The following DYM variants were observed in gnomAD, a reference collection of about 807,000 sequenced individuals.
DYM encodes the protein dymeclin.
DYM carries 78 observed loss-of-function variants against 93.1 expected under a neutral mutation model. The ratio of observed to expected loss-of-function variants is 0.84; its 90% CI spans 0.70 to 1.01. The LOEUF (loss-of-function observed/expected upper bound fraction) is 1.01, where lower values mean the gene tolerates loss of function less well. Ranked by LOEUF, DYM falls within the 50% of genes least tolerant of loss-of-function variation. DYM has a pLI of 0.00. For synonymous variants in DYM, 321 were observed against 319.7 expected, an observed-to-expected ratio of 1.00 and a Z score of -0.04; for missense variants, 789 against 845.0, an observed-to-expected ratio of 0.93 and a Z score of 0.82.
intron 17 of DYM, among the ~76,000 whole-genome samples, chr18:49,057,891 T>G (rs1211083718): frequency 6.6e-6 from 1 of 152,212 alleles, no homozygotes; most frequent in Non-Finnish European, 1.5e-5. Flanking sequence ...AGTTACTTCA[T>G]CTATAAACCA....
intron 5 of DYM, among the ~76,000 whole-genome samples, chr18:49,370,014 C>A (rs761740770): frequency 3.9e-5 from 6 of 152,212 alleles, no homozygotes; most frequent in South Asian, 4.1e-4. Flanking sequence ...CAGTGGCTCA[C>A]GCCTATAATC....
chr18:49,423,816 G>C (rs1568420683), intron 2 of DYM, among the ~76,000 whole-genome samples: 1 of 152,026 alleles, frequency 6.6e-6, no homozygotes, highest in Non-Finnish European at 1.5e-5. Flanking sequence ...ATAAATTCCT[G>C]GACACATACA....
At chr18:49,240,097 C>G (rs2093974705) in intron 13 of DYM, among the ~76,000 whole-genome samples, 1 of 151,960 alleles carries the variant, frequency 6.6e-6, no homozygotes. Context: ...TAAATGGAAG[C>G]ATGAATAATA....
Position 49,170,780 on chromosome 18 carries a change from C to CAAAAAAAA in DYM, c.1626-7001_1626-6994dup, listed in dbSNP as rs34297501. ...TGGGCAACAAAGTGAGACTCCGTCT[C>CAAAAAAAA]AAAAAAAAAAAAAAAAAAAAAAAAA... On this transcript the variant is annotated intron_variant, in intron 14 of 17. Coordinates refer to ENST00000675505, the MANE Select transcript of DYM (RefSeq NM_001353214.3). Among the ~76,000 whole-genome samples, 11 of 31,238 alleles carry CAAAAAAAA rather than the reference C, an allele frequency of 3.5e-4. 4 individuals are homozygous for CAAAAAAAA. Among genetic ancestry groups the CAAAAAAAA allele is most frequent in the Admixed American group, 1.3e-3 (3 of 2,270 alleles). The allele number at this position is 31,238 out of a possible 152,430, so 20.5% of individuals were successfully genotyped here. A position where few individuals can be genotyped will look rare whatever the true frequency, so the allele number is the denominator to read the frequency against.
At chr18:49,218,574 T>C (rs2093194696) in intron 13 of DYM, among the ~76,000 whole-genome samples, 1 of 151,998 alleles carries the variant, frequency 6.6e-6, no homozygotes, top group East Asian at 1.9e-4. Flanking sequence ...CACAGTGCAA[T>C]GAAACTAGAA....
intron 6 of DYM, among the ~76,000 whole-genome samples, chr18:49,361,390 T>C (rs2066004073): frequency 6.6e-6 from 1 of 152,226 alleles, no homozygotes; most frequent in Non-Finnish European, 1.5e-5. Context: ...CTGTCTTTCC[T>C]TTTGGGGCCA....
At chr18:49,408,566 C>A (rs2071805752) in intron 2 of DYM, among the ~76,000 whole-genome samples, 1 of 152,178 alleles carries the variant, frequency 6.6e-6, no homozygotes, top group South Asian at 2.1e-4. Flanking sequence ...GCTAGATTTG[C>A]AAAGTTGCAA....
At chr18:49,242,147 C>G (rs566606659) in intron 13 of DYM, among the ~76,000 whole-genome samples, 64 of 152,314 alleles carry the variant, frequency 4.2e-4, no homozygotes, top group African/African-American at 1.5e-3. Flanking sequence ...TGCAGTGGCT[C>G]ACGGGTGTAA....
At position 49,036,793 on chromosome 18, in the gene DYM, T is replaced by G. The variant is rs1172153114; in HGVS notation, c.*7262A>C. Among the ~76,000 whole-genome samples, 2 of 152,228 alleles carry G rather than the reference T, an allele frequency of 1.3e-5. No homozygotes were observed. ...GGCTGGCTCTTAAATATTTTAAATG[T>G]CTGCATAATCTGAAGTAACTTACCT... On this transcript the variant is annotated 3_prime_UTR_variant, in exon 18 of 18. Transcript: ENST00000675505.
Position 49,132,132 on chromosome 18 carries a change from T to C in DYM, c.1729-13206A>G, listed in dbSNP as rs1393785449. On this transcript the variant is annotated intron_variant, in intron 15 of 17. Transcript: ENST00000675505. ...TGTTAGATGTGATAATGATATGTGATTATGAAAGAAAATGTTATTATTTTT... is the reference window on the plus strand; with the variant it reads ...TGTTAGATGTGATAATGATATGTGACTATGAAAGAAAATGTTATTATTTTT... 2.0e-5 allele frequency among the ~76,000 whole-genome samples: 3 copies of C among 152,130 alleles called. No homozygotes were observed. In the East Asian group the frequency reaches 5.8e-4, roughly 29 times the overall value.
intron 14 of DYM, among the ~76,000 whole-genome samples, chr18:49,169,674 C>A (rs938945140): frequency 1.3e-5 from 2 of 152,146 alleles, no homozygotes; most frequent in Admixed American, 6.5e-5. Flanking sequence ...CCTCCCTATG[C>A]CCTGCCATCT....
intron 10 of DYM, among the ~76,000 whole-genome samples, chr18:49,278,861 T>G (rs566274621): frequency 6.6e-6 from 1 of 152,224 alleles, no homozygotes; most frequent in Non-Finnish European, 1.5e-5. Context: ...CAGATATATT[T>G]CTTTTCTCTT....
Position 49,118,886 on chromosome 18 carries a change from A to G in DYM, c.1769T>C (p.Met590Thr). 6.2e-7 allele frequency: 1 copy of G among 1,614,088 alleles called. No individual in the cohort carries two copies. The highest frequency in any genetic ancestry group is 8.5e-7 in the Non-Finnish European group (1 of 1,179,986). Residue 590 changes from methionine (M) to threonine (T), a missense_variant, in exon 16 of 18, where the codon ATG (methionine) becomes ACG (threonine). This residue lies in a region of DYM where 225 missense variants were observed against 303.0 expected (regional missense o/e 0.74). Coordinates refer to ENST00000675505, the MANE Select transcript of DYM (RefSeq NM_001353214.3). ...LNVIEEVIRM[M>T]LEIINSCLTN... ...CAGGCAGGAGTTGATGATCTCTAACATCATTCGAATCACTTCTTCAATGAC... is the reference window on the plus strand; with the variant it reads ...CAGGCAGGAGTTGATGATCTCTAACGTCATTCGAATCACTTCTTCAATGAC...
At position 49,218,806 on chromosome 18, in the gene DYM, C is replaced by A. The variant is rs372212570; in HGVS notation, c.1461-9091G>T. 2.0e-3 allele frequency among the ~76,000 whole-genome samples: 308 copies of A among 152,144 alleles called. 7 individuals are homozygous for A. In the East Asian group the frequency reaches 0.041, roughly 20 times the overall value. On this transcript the variant is annotated intron_variant, in intron 13 of 17. Transcript: ENST00000675505. ...TAAATGCCCACAAGAGAAAGCAGGA[C>A]AGATCCAAAATTGACACCCTAACAT...
At position 49,052,967 on chromosome 18, in the gene DYM, G is replaced by A. The variant is rs186919165; in HGVS notation, c.2026-8763C>T. Among the ~76,000 whole-genome samples the A allele has an allele frequency of 1.8e-3, 273 of 152,292 alleles. 2 individuals are homozygous for A. The highest frequency in any genetic ancestry group is 5.9e-3 in the African/African-American group (244 of 41,564). ...CCCTGGCTTTCACGCTTCTCTTTCCGAGATACTTGTCCTGTGACACAGCTC... is the reference window on the plus strand; with the variant it reads ...CCCTGGCTTTCACGCTTCTCTTTCCAAGATACTTGTCCTGTGACACAGCTC... On this transcript the variant is annotated intron_variant, in intron 17 of 17. Coordinates refer to ENST00000675505, the MANE Select transcript of DYM (RefSeq NM_001353214.3).
At chr18:49,193,312 T>C (rs1467062460) in intron 14 of DYM, among the ~76,000 whole-genome samples, 1 of 152,174 alleles carries the variant, frequency 6.6e-6, no homozygotes, top group Admixed American at 6.5e-5. Context: ...AAAAATATTT[T>C]GTATGCATGC....
At chr18:49,108,172 A>G (rs2081045152) in intron 16 of DYM, among the ~76,000 whole-genome samples, 1 of 152,156 alleles carries the variant, frequency 6.6e-6, no homozygotes, top group Non-Finnish European at 1.5e-5. Flanking sequence ...GCTAGCAATG[A>G]GCGAGGCTCC....
chr18:49,269,809 T>C (rs1308570501), intron 11 of DYM, among the ~76,000 whole-genome samples: 1 of 152,210 alleles, frequency 6.6e-6, no homozygotes, highest in African/African-American at 2.4e-5. Context: ...ATAAATTTAG[T>C]GTAGCCTAAG....
intron 16 of DYM, among the ~76,000 whole-genome samples, chr18:49,104,725 T>C (rs1387327737): frequency 1.3e-5 from 2 of 152,208 alleles, no homozygotes; most frequent in African/African-American, 4.8e-5. Flanking sequence ...ATTGATTTGG[T>C]ATGTTGAACC....
Sources: allele counts gnomAD v4.1 joint callset (sites outside exome capture counted in the v4.1 genomes callset), GRCh38; gene constraint gnomAD v4.1.1; regional missense constraint gnomAD v4.1.1; transcripts MANE v1.5; gene names NCBI Gene and HGNC (gene_info 2026-07-23, HGNC 2026-07-21).